Variants in RFC5 observed in about 807,000 individuals in gnomAD.
RFC5 encodes the protein replication factor C subunit 5, also known as A1 36 kDa subunit.
In RFC5, 26 loss-of-function variants were observed where a neutral mutation model predicts 44.3. The observed-to-expected ratio is 0.59, with a 90% CI of 0.43 to 0.81. The LOEUF (loss-of-function observed/expected upper bound fraction) is 0.81. RFC5 is among the 40% of genes least tolerant of loss of function. The pLI is 0.00. For synonymous variants in RFC5, 155 were observed against 155.2 expected (o/e 1.00, Z 0.01); for missense variants, 328 against 418.6 (o/e 0.78, Z 1.89).
At chr12:118,022,460 G>A (rs1566123211) in intron 5 of RFC5, 101 bp downstream of exon 5, 3 of 852,516 alleles carry the variant, frequency 3.5e-6, no homozygotes, top group Non-Finnish European at 5.7e-6. Context: ...TTTAGGCGGG[G>A]GGGAGTTTTT....
At chr12:118,021,419 C>T (rs2030481629) in intron 4 of RFC5, among the ~76,000 whole-genome samples, 2 of 151,952 alleles carry the variant, frequency 1.3e-5, no homozygotes, top group South Asian at 2.1e-4. Flanking sequence ...TGCCATGTTG[C>T]CTAGGCTGGT....
downstream of RFC5, among the ~76,000 whole-genome samples, chr12:118,035,512 G>A (rs190691817): frequency 1.9e-3 from 283 of 152,336 alleles, 1 homozygote; most frequent in African/African-American, 6.4e-3. Context: ...GGCTCCAGGT[G>A]TCCTGTGGAT....
chr12:118,036,442 G>A (rs369847771), downstream of RFC5: 2 of 1,614,098 alleles, frequency 1.2e-6, no homozygotes, highest in Non-Finnish European at 1.7e-6. Context: ...AGTCACAAGA[G>A]ACAACACTGC....
chr12:118,029,881 A>C, intron 10 of RFC5, 56 bp downstream of exon 10: 2 of 1,284,228 alleles, frequency 1.6e-6, no homozygotes, highest in South Asian at 1.2e-5. Context: ...CCCTGTTGTG[A>C]GTTATTTGTT....
chr12:118,016,976 G>A, intron 1 of RFC5, 84 bp downstream of exon 1: 3 of 1,125,638 alleles, frequency 2.7e-6, no homozygotes, highest in African/African-American at 1.5e-5. Context: ...GCAGGTGACC[G>A]GACCCCAACC....
rs1025607258 is a variant in RFC5, at chr12:118,031,188, G to A, written c.933G>A (p.Arg311=). Residue 311 remains arginine (R), a synonymous_variant, in exon 11 of 11, where the codon AGG becomes AGA. Transcript: ENST00000454402. The part of the protein sequence containing the change: ...LLTKMADIEY[R]LSVGTNEKIQ... ...TGTGTTTGGTTTCTGTTAGGTACAG[G>A]CTTTCTGTTGGCACCAACGAGAAGA... 1.2e-6 allele frequency: 2 copies of A among 1,613,014 alleles called. No individual in the cohort carries two copies. Among genetic ancestry groups the A allele is most frequent in the Non-Finnish European group, 1.7e-6 (2 of 1,179,170 alleles).
At chr12:118,039,735 TTC>T in the RFC5 span, among the ~76,000 whole-genome samples, 1 of 152,006 alleles carries the variant, frequency 6.6e-6, no homozygotes, top group East Asian at 1.9e-4. Context: ...AAATTAATAT[TTC>T]TTTTTTATTT....
intron 1 of RFC5, among the ~76,000 whole-genome samples, chr12:118,017,209 G>A (rs1294372864): frequency 6.6e-6 from 1 of 152,214 alleles, no homozygotes; most frequent in Admixed American, 6.5e-5. Flanking sequence ...TGGCCTCCAT[G>A]CCAAAATGCC....
intron 7 of RFC5, among the ~76,000 whole-genome samples, chr12:118,026,066 C>T (rs974047637): frequency 3.3e-5 from 5 of 152,082 alleles, no homozygotes; most frequent in Non-Finnish European, 2.9e-5. Context: ...TGGTCTCGAA[C>T]TCCTGACCTC....
the RFC5 span, among the ~76,000 whole-genome samples, chr12:118,040,693 G>C: frequency 6.6e-6 from 1 of 151,576 alleles, no homozygotes; most frequent in Non-Finnish European, 1.5e-5. Context: ...TGGAGAAGCT[G>C]TCCTGATCAG....
chr12:118,034,679 G>A (rs2031464480), downstream of RFC5: 1 of 495,330 alleles, frequency 2.0e-6, no homozygotes, highest in East Asian at 3.5e-5. Flanking sequence ...GATGTTACCT[G>A]TAAAGTGGTC....
the RFC5 span, among the ~76,000 whole-genome samples, chr12:118,038,987 G>A: frequency 3.3e-5 from 5 of 152,238 alleles, no homozygotes; most frequent in East Asian, 7.7e-4. Context: ...ATATCAAAGG[G>A]ACCTTTGATA....
intron 5 of RFC5, among the ~76,000 whole-genome samples, chr12:118,024,402 G>A (rs2030788180): frequency 1.3e-5 from 2 of 151,120 alleles, no homozygotes; most frequent in South Asian, 4.2e-4. Context: ...GCCCTGTCTT[G>A]TCATAGGCTG....
intron 10 of RFC5, among the ~76,000 whole-genome samples, 181 bp downstream of exon 10, chr12:118,030,006 A>G (rs2031213541): frequency 6.6e-6 from 1 of 152,082 alleles, no homozygotes; most frequent in Non-Finnish European, 1.5e-5. Flanking sequence ...GAACATGGGG[A>G]TAAATTCACA....
downstream of RFC5, among the ~76,000 whole-genome samples, chr12:118,036,926 A>T (rs2031525016): frequency 6.6e-6 from 1 of 152,198 alleles, no homozygotes; most frequent in Non-Finnish European, 1.5e-5. Flanking sequence ...TCATGCCTGT[A>T]ATCTCAGCAC....
intron 6 of RFC5, 146 bp downstream of exon 6, chr12:118,025,156 T>C (rs2030850258): frequency 1.7e-6 from 1 of 603,294 alleles, no homozygotes; most frequent in Non-Finnish European, 2.8e-6. Flanking sequence ...GACCGTCCAC[T>C]GCTATCATTT....
chr12:118,038,084 A>G, downstream of RFC5: 1 of 445,138 alleles, frequency 2.2e-6, no homozygotes, highest in Non-Finnish European at 4.0e-6. Flanking sequence ...TGACAGGAGC[A>G]ACCTGTTTCC....
chr12:118,029,936 C>T (rs555661212), intron 10 of RFC5, 111 bp downstream of exon 10: 22 of 804,572 alleles, frequency 2.7e-5, no homozygotes, highest in Middle Eastern at 2.8e-4. Context: ...CGTTCACATA[C>T]GGTACAATCT....
At chr12:118,034,470 T>A, downstream of RFC5, 1 of 1,287,164 alleles carries the variant, frequency 7.8e-7, no homozygotes, top group Non-Finnish European at 1.1e-6. Flanking sequence ...CTTCGGAGAG[T>A]GAAATGTAAC....
Sources: gnomAD v4.1 joint callset for allele counts (sites outside exome capture counted in the v4.1 genomes callset) on GRCh38, gnomAD v4.1.1 for gene constraint, MANE v1.5 for transcripts, NCBI Gene and HGNC (gene_info 2026-07-23, HGNC 2026-07-21) for gene names.